Variants in KIFAP3 observed in about 807,000 individuals in gnomAD.
KIFAP3 encodes the protein kinesin-associated protein 3.
Under a neutral mutation model 106.5 loss-of-function variants are expected in KIFAP3, and 68 were observed. The observed-to-expected ratio is 0.64, with a 90% confidence interval of 0.53 to 0.78. The LOEUF is 0.78. Among genes scored for constraint, KIFAP3 ranks in the 30% least tolerant of loss-of-function variants. The pLI is 0.00. For missense variants in KIFAP3, 780 were observed against 941.8 expected (o/e 0.83, Z 2.25); for synonymous variants, 320 against 311.5 (o/e 1.03, Z -0.29).
At chr1:169,978,504 T>C (rs1330599044) in intron 15 of KIFAP3, among the ~76,000 whole-genome samples, 5 of 152,038 alleles carry the variant, frequency 3.3e-5, no homozygotes, top group Non-Finnish European at 5.9e-5. Context: ...TTGGTGGAAA[T>C]TGAACTATCA....
At chr1:170,073,754 C>CT (rs1671805032) in intron 1 of KIFAP3, among the ~76,000 whole-genome samples, 1 of 151,836 alleles carries the variant, frequency 6.6e-6, no homozygotes, top group Non-Finnish European at 1.5e-5. Context: ...TGCCAGCACC[C>CT]AAATAATCCC....
intron 1 of KIFAP3, among the ~76,000 whole-genome samples, chr1:170,056,356 G>A (rs1670854017): frequency 6.6e-6 from 1 of 152,138 alleles, no homozygotes; most frequent in African/African-American, 2.4e-5. Flanking sequence ...TCTATGGAAA[G>A]GTTGTATATA....
chr1:170,034,414 G>C lies in KIFAP3; in HGVS notation c.700C>G (p.His234Asp), dbSNP rs756772690. ...MNIIDHELKR[H>D]ELWQEELSKK... ...GAGAGTTCTTCTTGCCAAAGCTCAT[G>C]TCTTTTTAACTCATGATCAATAATA... Residue 234 changes from histidine to aspartate, a missense_variant, in exon 7 of 20, where the codon CAT becomes GAT. Transcript: ENST00000361580. 1.2e-6 allele frequency: 2 copies of C among 1,605,920 alleles called. No homozygotes were observed. The highest frequency in any genetic ancestry group is 1.7e-6 in the Non-Finnish European group (2 of 1,175,824).
intron 17 of KIFAP3, among the ~76,000 whole-genome samples, chr1:169,968,693 A>G (rs1665755970): frequency 2.0e-5 from 3 of 151,896 alleles, no homozygotes; most frequent in African/African-American, 4.8e-5. Flanking sequence ...CTATTTCTCA[A>G]TAAGACTGCC....
chr1:169,944,687 CA>C (rs1664332212), intron 19 of KIFAP3, among the ~76,000 whole-genome samples: 1 of 152,120 alleles, frequency 6.6e-6, no homozygotes, highest in Non-Finnish European at 1.5e-5. Flanking sequence ...TCAGGAGACC[CA>C]AAGTAGTAGC....
chr1:169,967,242 A>T (rs1341561284), intron 17 of KIFAP3, among the ~76,000 whole-genome samples: 1 of 151,864 alleles, frequency 6.6e-6, no homozygotes, highest in African/African-American at 2.4e-5. Context: ...CAAAGTAAAG[A>T]TACACAGTAC....
chr1:170,046,847 T>C lies in KIFAP3; in HGVS notation c.184A>G (p.Asn62Asp). ...CQKIIRLKSL[N>D]ANTDITSLAR... ...AGGGAAGTTATATCTGTGTTGGCAT[T>C]GAGACTCTTAAGTCGAATGCTGTAA... The change falls in exon 3 of 20, where the codon AAT (asparagine) becomes GAT (aspartate). Residue 62 changes from asparagine to aspartate, a missense_variant. Coordinates refer to ENST00000361580, the MANE Select transcript of KIFAP3 (RefSeq NM_014970.4). 1.2e-6 allele frequency: 2 copies of C among 1,605,568 alleles called. No individual in the cohort carries two copies. Among genetic ancestry groups the C allele is most frequent in the African/African-American group, 1.3e-5 (1 of 74,730 alleles).
intron 10 of KIFAP3, among the ~76,000 whole-genome samples, chr1:169,996,847 G>T (rs1189311031): frequency 2.6e-5 from 4 of 152,138 alleles, no homozygotes; most frequent in Non-Finnish European, 4.4e-5. Context: ...ATGGAGAAAT[G>T]CAATCAGATA....
At chr1:169,926,195 G>C (rs1663122826) in intron 19 of KIFAP3, among the ~76,000 whole-genome samples, 1 of 152,142 alleles carries the variant, frequency 6.6e-6, no homozygotes, top group African/African-American at 2.4e-5. Flanking sequence ...AAAACTGTTG[G>C]AAAGTTCTTT....
intron 16 of KIFAP3, among the ~76,000 whole-genome samples, chr1:169,973,048 A>G (rs945217434): frequency 6.7e-6 from 1 of 148,564 alleles, no homozygotes; most frequent in Non-Finnish European, 1.5e-5. Flanking sequence ...TTTTCACATA[A>G]AAGAAAGCTG....
At chr1:170,041,943 A>T (rs1409655927) in intron 3 of KIFAP3, 1 of 1,115,150 alleles carries the variant, frequency 9.0e-7, no homozygotes, top group African/African-American at 1.6e-5. Flanking sequence ...TCAGTTATGA[A>T]ACCTGGTTTT....
intron 2 of KIFAP3, among the ~76,000 whole-genome samples, chr1:170,052,430 C>T (rs571873195): frequency 3.9e-4 from 59 of 152,150 alleles, no homozygotes; most frequent in Non-Finnish European, 6.9e-4. Flanking sequence ...GGAGTGGGTA[C>T]CATTATTTCT....
At chr1:169,980,879 A>C (rs2101907250) in intron 15 of KIFAP3, among the ~76,000 whole-genome samples, 1 of 152,310 alleles carries the variant, frequency 6.6e-6, no homozygotes, top group East Asian at 1.9e-4. Flanking sequence ...AGGTGGGCGG[A>C]TCACCTGAGG....
At chr1:170,002,753 T>C (rs1667727063) in intron 10 of KIFAP3, among the ~76,000 whole-genome samples, 1 of 152,220 alleles carries the variant, frequency 6.6e-6, no homozygotes, top group Non-Finnish European at 1.5e-5. Flanking sequence ...TTATAAATTA[T>C]ATATGAAAAT....
At chr1:170,083,880 T>C (rs1301534274) in intron 1 of KIFAP3, among the ~76,000 whole-genome samples, 1 of 152,234 alleles carries the variant, frequency 6.6e-6, no homozygotes, top group Non-Finnish European at 1.5e-5. Flanking sequence ...GTTAGAATCT[T>C]ATAAATTTTA....
At position 170,016,595 on chromosome 1, in the gene KIFAP3, C is replaced by T. The variant is rs763820904; in HGVS notation, c.1050G>A (p.Val350=). 2 of 1,594,256 alleles carry T rather than the reference C, an allele frequency of 1.3e-6. No individual in the cohort carries two copies. Residue 350 remains valine, a synonymous_variant, in exon 10 of 20, where the codon GTG becomes GTA. Coordinates refer to ENST00000361580, the MANE Select transcript of KIFAP3 (RefSeq NM_014970.4). The part of the protein sequence containing the change: ...MVEMDIVEKL[V]KMIPCEHEDL... ...CTTCATGCTCACAAGGTATCATTTT[C>T]ACCAGTTTTTCAACAATATCCATTT...
intron 15 of KIFAP3, among the ~76,000 whole-genome samples, chr1:169,979,241 AC>A (rs1666381953): frequency 6.6e-6 from 1 of 151,812 alleles, no homozygotes; most frequent in Non-Finnish European, 1.5e-5. Context: ...CTTCATTCTC[AC>A]TCTATCAACT....
chr1:170,045,989 G>C (rs927758912), intron 3 of KIFAP3, among the ~76,000 whole-genome samples: 2 of 151,980 alleles, frequency 1.3e-5, no homozygotes, highest in African/African-American at 4.8e-5. Flanking sequence ...CAACCAGTCA[G>C]AAGACCCTCA....
chr1:170,057,345 T>G (rs927967654), intron 1 of KIFAP3, among the ~76,000 whole-genome samples: 10 of 152,098 alleles, frequency 6.6e-5, no homozygotes, highest in Admixed American at 6.5e-5. Flanking sequence ...ATGAAATGCC[T>G]CACCACTCCT....
Sources: allele counts gnomAD v4.1 joint callset (sites outside exome capture counted in the v4.1 genomes callset), GRCh38; gene constraint gnomAD v4.1.1; transcripts MANE v1.5; gene names NCBI Gene and HGNC (gene_info 2026-07-23, HGNC 2026-07-21).